The following SCTR variants were observed in gnomAD, a reference collection of about 807,000 sequenced individuals.
SCTR encodes the protein secretin receptor, also known as pancreatic secretin receptor.
Under a neutral mutation model 60.8 loss-of-function variants are expected in SCTR, and 56 were observed. That is an observed-to-expected ratio of 0.92 (90% confidence interval 0.74 to 1.15). SCTR has a LOEUF of 1.15. SCTR is among the 50% of genes most tolerant of loss of function. The pLI, the probability that SCTR is intolerant of heterozygous loss-of-function variation, is 0.00. For synonymous variants in SCTR, 202 were observed against 217.0 expected, an observed-to-expected ratio of 0.93 and a Z score of 0.61; for missense variants, 562 against 550.4, an observed-to-expected ratio of 1.02 and a Z score of -0.21.
intron 2 of SCTR, 131 bp from the exon 3 acceptor site, chr2:119,479,049 G>T: frequency 6.7e-7 from 1 of 1,487,940 alleles, no homozygotes; most frequent in African/African-American, 1.4e-5. Context: ...CTCATTAGGT[G>T]CTGACTCCTC....
At chr2:119,510,302 G>A (rs903325214) in intron 1 of SCTR, among the ~76,000 whole-genome samples, 1 of 152,046 alleles carries the variant, frequency 6.6e-6, no homozygotes, top group African/African-American at 2.4e-5. Flanking sequence ...GGGGGGAGGG[G>A]GTATGCCAAC....
intron 1 of SCTR, among the ~76,000 whole-genome samples, chr2:119,499,268 C>T (rs932685451): frequency 6.6e-6 from 1 of 151,998 alleles, no homozygotes; most frequent in South Asian, 2.1e-4. Flanking sequence ...GGCAAATCTA[C>T]AATTTTAGTT....
chr2:119,515,849 T>C (rs1280048421), intron 1 of SCTR, among the ~76,000 whole-genome samples: 1 of 152,230 alleles, frequency 6.6e-6, no homozygotes, highest in Non-Finnish European at 1.5e-5. Flanking sequence ...GGGTATTTCC[T>C]AGTGTCTCAG....
chr2:119,464,087 G>A, intron 6 of SCTR, 36 bp downstream of exon 6: 2 of 1,612,342 alleles, frequency 1.2e-6, no homozygotes. Context: ...AAGGCAGGCG[G>A]GCCTGGCGAC....
chr2:119,448,762 T>C lies in SCTR; in HGVS notation c.940A>G (p.Ile314Val), dbSNP rs989620523. Reference protein sequence around the residue: ...LSILINFILFINILRILMRKL... With the variant: ...LSILINFILFVNILRILMRKL... ...CTCATCAGGATTCTTAGAATGTTTA[T>C]GAAAAGGATGAAATTAATCTGCAAA... The change falls in exon 10 of 13, where the codon ATA becomes GTA. Residue 314 changes from isoleucine (I) to valine (V), a missense_variant. Coordinates refer to ENST00000019103, the MANE Select transcript of SCTR (RefSeq NM_002980.3). The C allele has an allele frequency of 6.9e-6, 11 of 1,590,848 alleles. No individual in the cohort carries two copies. In the African/African-American group the frequency reaches 9.4e-5, roughly 14 times the overall value.
At chr2:119,447,258 T>C (rs1039997221) in intron 10 of SCTR, among the ~76,000 whole-genome samples, 3 of 152,074 alleles carry the variant, frequency 2.0e-5, no homozygotes, top group Admixed American at 2.0e-4. Context: ...ATAATAAATA[T>C]CTGTAGGGAC....
At chr2:119,461,482 C>A (rs924462987) in intron 7 of SCTR, among the ~76,000 whole-genome samples, 1 of 152,170 alleles carries the variant, frequency 6.6e-6, no homozygotes, top group Non-Finnish European at 1.5e-5. Context: ...GAGGCCGAGG[C>A]GGGCGGATCA....
chr2:119,524,218 G>T lies in SCTR; in HGVS notation c.9C>A (p.Pro3=). 1 of 1,505,856 alleles carries T rather than the reference G, an allele frequency of 6.6e-7. No individual in the cohort carries two copies. Among genetic ancestry groups the T allele is most frequent in the Non-Finnish European group, 8.9e-7 (1 of 1,126,556 alleles). The allele number at this position is 1,505,856 out of a possible 1,614,324, so 93.3% of individuals were successfully genotyped here. Residue 3 remains proline, a synonymous_variant, in exon 1 of 13, where the codon CCC becomes CCA. Transcript: ENST00000019103. MR[P]HLSPPLQQLL... ...GCTGCTGCAGCGGCGGCGACAGGTG[G>T]GGACGCATGGTGCCCGCACGTTCCC...
intron 2 of SCTR, among the ~76,000 whole-genome samples, chr2:119,490,324 G>A (rs1014536244): frequency 2.0e-5 from 3 of 152,190 alleles, no homozygotes; most frequent in African/African-American, 4.8e-5. Context: ...TGCTGCCTCC[G>A]CTGCTCACAA....
At chr2:119,504,342 C>T (rs1678659274) in intron 1 of SCTR, among the ~76,000 whole-genome samples, 2 of 152,164 alleles carry the variant, frequency 1.3e-5, no homozygotes, top group South Asian at 4.1e-4. Context: ...CCTGTAATCT[C>T]AGCACTTTGG....
chr2:119,461,414 T>C (rs1683596664), intron 7 of SCTR, among the ~76,000 whole-genome samples: 1 of 152,206 alleles, frequency 6.6e-6, no homozygotes, highest in Non-Finnish European at 1.5e-5. Flanking sequence ...GGAACTTGTC[T>C]AAGATTACAC....
intron 1 of SCTR, among the ~76,000 whole-genome samples, chr2:119,498,818 A>G (rs1364366492): frequency 6.6e-6 from 1 of 152,056 alleles, no homozygotes; most frequent in Non-Finnish European, 1.5e-5. Context: ...AAACTAAGAA[A>G]TAAAAATCTT....
At position 119,500,445 on chromosome 2, in the gene SCTR, A is replaced by G. The variant is rs889672291; in HGVS notation, c.73-5897T>C. On this transcript the variant is annotated intron_variant, in intron 1 of 12. Coordinates refer to ENST00000019103, the MANE Select transcript of SCTR (RefSeq NM_002980.3). ...TCTCATGTTTATTGCAGCACTATTCACAATAGCCAAGATATGGAATCAACC... is the reference window on the plus strand; with the variant it reads ...TCTCATGTTTATTGCAGCACTATTCGCAATAGCCAAGATATGGAATCAACC... 1.4e-4 allele frequency among the ~76,000 whole-genome samples: 21 copies of G among 152,362 alleles called. 2 individuals carry two copies. In the South Asian group the frequency reaches 1.7e-3, roughly 12 times the overall value.
intron 1 of SCTR, among the ~76,000 whole-genome samples, chr2:119,516,695 C>T (rs1379948908): frequency 6.6e-6 from 1 of 152,116 alleles, no homozygotes; most frequent in Non-Finnish European, 1.5e-5. Flanking sequence ...TGTGGTGGTT[C>T]ACGCCTATAA....
At chr2:119,494,125 G>T (rs1573900377) in intron 2 of SCTR, among the ~76,000 whole-genome samples, 1 of 152,286 alleles carries the variant, frequency 6.6e-6, no homozygotes, top group East Asian at 1.9e-4. Flanking sequence ...GAACTGTCTT[G>T]CAGAGAAATT....
intron 2 of SCTR, among the ~76,000 whole-genome samples, 191 bp downstream of exon 2, chr2:119,494,237 C>A (rs1455575553): frequency 6.6e-6 from 1 of 152,204 alleles, no homozygotes; most frequent in African/African-American, 2.4e-5. Flanking sequence ...TGGTGAGGAT[C>A]TGGCTTTGGG....
chr2:119,466,057 A>T (rs1213015784), intron 4 of SCTR, among the ~76,000 whole-genome samples, 171 bp from the exon 5 acceptor site: 1 of 152,006 alleles, frequency 6.6e-6, no homozygotes, highest in Non-Finnish European at 1.5e-5. Context: ...GGCATTGGAA[A>T]AGCCCTTAGG....
intron 7 of SCTR, among the ~76,000 whole-genome samples, chr2:119,456,566 G>A (rs1683385721): frequency 6.6e-6 from 1 of 152,126 alleles, no homozygotes; most frequent in African/African-American, 2.4e-5. Context: ...GAAGGTGAAA[G>A]CTAAGGGAGC....
At chr2:119,492,496 A>G (rs1678168296) in intron 2 of SCTR, among the ~76,000 whole-genome samples, 2 of 152,260 alleles carry the variant, frequency 1.3e-5, no homozygotes, top group African/African-American at 2.4e-5. Flanking sequence ...TCTAATTTAA[A>G]AGCCTGGGTT....
Sources: allele counts gnomAD v4.1 joint callset (sites outside exome capture counted in the v4.1 genomes callset), GRCh38; gene constraint gnomAD v4.1.1; transcripts MANE v1.5; gene names NCBI Gene and HGNC (gene_info 2026-07-23, HGNC 2026-07-21).